RGL1: variants seen among roughly 807,000 people sequenced by gnomAD.
The protein encoded by RGL1 is ral guanine nucleotide dissociation stimulator-like 1.
Under a neutral mutation model 95.2 loss-of-function variants are expected in RGL1, and 24 were observed. That is an observed-to-expected ratio of 0.25 (90% CI 0.18 to 0.35). The LOEUF is 0.35. RGL1 is among the 10% of genes least tolerant of loss of function. The pLI is 1.00. For synonymous variants in RGL1, 329 were observed against 344.9 expected (o/e 0.95, Z 0.51); for missense variants, 715 against 936.3 (o/e 0.76, Z 3.08).
chr1:183,922,156 GT>G lies in RGL1; in HGVS notation c.2005-65del, dbSNP rs1444945799. 1.4e-5 allele frequency: 18 copies of G among 1,291,508 alleles called. No individual in the cohort carries two copies. In the Admixed American group the frequency reaches 3.1e-4, roughly 22 times the overall value. The allele number at this position is 1,291,508 out of a possible 1,614,324, so 80.0% of individuals were successfully genotyped here. Reference sequence around the variant, plus strand: ...AACACAAGACAGCAAGAATGAGAGGGTCAGGAGAACTCCCTCAGGAAACGTG... The same window carrying G: ...AACACAAGACAGCAAGAATGAGAGGGCAGGAGAACTCCCTCAGGAAACGTG... On this transcript the variant is annotated intron_variant, in intron 16 of 17. Coordinates refer to ENST00000360851, the MANE Select transcript of RGL1 (RefSeq NM_001297671.3).
intron 2 of RGL1, among the ~76,000 whole-genome samples, chr1:183,762,521 A>G (rs1235693441): frequency 6.6e-6 from 1 of 152,252 alleles, no homozygotes; most frequent in African/African-American, 2.4e-5. Flanking sequence ...CGAGAAAATT[A>G]CCAAAATGTC....
intron 2 of RGL1, among the ~76,000 whole-genome samples, chr1:183,753,395 A>T (rs1020526027): frequency 1.3e-5 from 2 of 152,130 alleles, no homozygotes; most frequent in African/African-American, 4.8e-5. Flanking sequence ...ATTTGTCAAG[A>T]ACTGTGAAGG....
intron 2 of RGL1, among the ~76,000 whole-genome samples, chr1:183,749,460 A>G (rs896655389): frequency 2.6e-5 from 4 of 151,970 alleles, no homozygotes; most frequent in African/African-American, 9.7e-5. Flanking sequence ...GTGTCTTTAC[A>G]TGTGAGATGG....
chr1:183,767,349 T>A (rs1298704174), intron 2 of RGL1, among the ~76,000 whole-genome samples: 1 of 149,550 alleles, frequency 6.7e-6, no homozygotes, highest in East Asian at 2.0e-4. Flanking sequence ...CAAAAACAGA[T>A]AAATAGGAAG....
chr1:183,664,354 C>T (rs1447273286), intron 1 of RGL1, among the ~76,000 whole-genome samples: 1 of 151,918 alleles, frequency 6.6e-6, no homozygotes, highest in Middle Eastern at 3.2e-3. Context: ...GTGTTCTTTA[C>T]GGTTTTCTTC....
chr1:183,924,506 G>A (rs937427488), intron 17 of RGL1, among the ~76,000 whole-genome samples: 6 of 152,118 alleles, frequency 3.9e-5, no homozygotes, highest in Non-Finnish European at 8.8e-5. Flanking sequence ...GATAGCATTA[G>A]GAGAAATACC....
chr1:183,697,735 G>A (rs1356109924), intron 1 of RGL1, among the ~76,000 whole-genome samples: 1 of 152,156 alleles, frequency 6.6e-6, no homozygotes, highest in Non-Finnish European at 1.5e-5. Flanking sequence ...TTGCGTGCTG[G>A]TACTTCATCT....
chr1:183,666,072 C>T (rs548890425), intron 1 of RGL1, among the ~76,000 whole-genome samples: 8 of 140,916 alleles, frequency 5.7e-5, no homozygotes, highest in African/African-American at 1.9e-4. Flanking sequence ...ATGGCGTGAT[C>T]TCGGCTCACT....
At chr1:183,814,875 A>G (rs949011867) in intron 2 of RGL1, among the ~76,000 whole-genome samples, 1 of 152,244 alleles carries the variant, frequency 6.6e-6, no homozygotes, top group African/African-American at 2.4e-5. Flanking sequence ...GACAATATTT[A>G]TCTAAGAAAA....
chr1:183,776,963 G>A (rs934486717), intron 2 of RGL1, among the ~76,000 whole-genome samples: 3 of 152,216 alleles, frequency 2.0e-5, no homozygotes, highest in African/African-American at 7.2e-5. Context: ...GAATCATGGT[G>A]CTGCTATTTT....
chr1:183,728,073 G>T (rs1656413529), intron 1 of RGL1, among the ~76,000 whole-genome samples: 1 of 152,278 alleles, frequency 6.6e-6, no homozygotes, highest in South Asian at 2.1e-4. Context: ...AGAACAAAAA[G>T]CAGGGAAAGG....
intron 14 of RGL1, among the ~76,000 whole-genome samples, chr1:183,908,274 C>A (rs1267200364): frequency 1.3e-5 from 2 of 152,054 alleles, no homozygotes; most frequent in Non-Finnish European, 2.9e-5. Flanking sequence ...TGGCACATGA[C>A]CTTGAGTGTT....
intron 1 of RGL1, among the ~76,000 whole-genome samples, chr1:183,664,243 A>T (rs928906050): frequency 4.6e-5 from 7 of 151,942 alleles, no homozygotes; most frequent in African/African-American, 7.2e-5. Context: ...AATAAATGGG[A>T]ATTTTTCTTG....
chr1:183,862,483 G>C (rs1013344568), intron 3 of RGL1, among the ~76,000 whole-genome samples: 1 of 152,148 alleles, frequency 6.6e-6, no homozygotes, highest in Non-Finnish European at 1.5e-5. Flanking sequence ...AGACTTCTTT[G>C]GAATAGCGTG....
rs183102288 is a variant in RGL1, at chr1:183,900,078, A to G, written c.1231-72A>G. On this transcript the variant is annotated intron_variant, in intron 10 of 17. Transcript: ENST00000360851. Reference sequence around the variant, plus strand: ...GGCCTTGAATACATCCATTTGCTCCAGCTTGAAGATTCCTAAAACCCCTCA... The same window carrying G: ...GGCCTTGAATACATCCATTTGCTCCGGCTTGAAGATTCCTAAAACCCCTCA... The G allele has an allele frequency of 2.8e-5, 34 of 1,221,224 alleles. No individual in the cohort carries two copies. The Admixed American group carries it at 4.5e-4, about 16-fold the overall frequency. The allele number at this position is 1,221,224 out of a possible 1,614,324, so 75.6% of individuals were successfully genotyped here. A position where few individuals can be genotyped will look rare whatever the true frequency, so the allele number is the denominator to read the frequency against.
intron 1 of RGL1, among the ~76,000 whole-genome samples, chr1:183,650,708 A>AT (rs11395856): frequency 0.88 from 126,516 of 144,572 alleles, 55,747 homozygotes; most frequent in Non-Finnish European, 0.93. Context: ...AAAGAATCAG[A>AT]TTTTTTTTTT....
chr1:183,711,288 C>G (rs887037908), intron 1 of RGL1, among the ~76,000 whole-genome samples: 2 of 152,198 alleles, frequency 1.3e-5, no homozygotes, highest in African/African-American at 4.8e-5. Context: ...GCTCTGTGTT[C>G]ATAGGCACCC....
intron 1 of RGL1, chr1:183,648,341 G>T (rs747679735): frequency 1.4e-5 from 23 of 1,614,232 alleles, no homozygotes; most frequent in Non-Finnish European, 1.9e-5. Flanking sequence ...TAAGAGTGAT[G>T]CCTGGATACG....
chr1:183,926,301 A>C lies in RGL1; in HGVS notation c.*9A>C, dbSNP rs4382680. On this transcript the variant is annotated 3_prime_UTR_variant, in exon 18 of 18. Coordinates refer to ENST00000360851, the MANE Select transcript of RGL1 (RefSeq NM_001297671.3). ...GCAAAATCACCCTCTGAAGGGAGGGACCAGTGGCCCCTTGTTTGCCAAAGG... is the reference window on the plus strand; with the variant it reads ...GCAAAATCACCCTCTGAAGGGAGGGCCCAGTGGCCCCTTGTTTGCCAAAGG... The C allele has an allele frequency of 0.087, 138,883 of 1,595,926 alleles. 6,983 individuals carry two copies. Among genetic ancestry groups the C allele is most frequent in the Middle Eastern group, 0.12 (718 of 5,972 alleles).
Sources: allele counts gnomAD v4.1 joint callset (sites outside exome capture counted in the v4.1 genomes callset), GRCh38; gene constraint gnomAD v4.1.1; transcripts MANE v1.5; gene names NCBI Gene and HGNC (gene_info 2026-07-23, HGNC 2026-07-21).